RERG: variants seen among roughly 807,000 people sequenced by gnomAD.
RERG encodes RAS like estrogen regulated growth inhibitor.
A neutral mutation model predicts 23.2 loss-of-function variants in RERG; 25 were observed. That is an observed-to-expected ratio of 1.08 (90% CI 0.79 to 1.50). The LOEUF (loss-of-function observed/expected upper bound fraction) is 1.50. Among genes scored for constraint, RERG ranks in the 40% most tolerant of loss-of-function variants. The probability of loss-of-function intolerance (pLI) is 0.00; values close to 1 mark genes in which losing one functional copy is unlikely to be tolerated. For missense variants in RERG, 253 were observed against 250.1 expected, an observed-to-expected ratio of 1.01 and a Z score of -0.08; for synonymous variants, 81 against 89.1, an observed-to-expected ratio of 0.91 and a Z score of 0.51.
intron 2 of RERG, among the ~76,000 whole-genome samples, chr12:15,134,828 T>G (rs1408124747): frequency 1.3e-5 from 2 of 152,002 alleles, no homozygotes; most frequent in Non-Finnish European, 2.9e-5. Flanking sequence ...CCAGGATGGT[T>G]TGAAACTCCT....
chr12:15,110,078 G>T (rs1863577320), intron 4 of RERG, among the ~76,000 whole-genome samples: 1 of 151,984 alleles, frequency 6.6e-6, no homozygotes, highest in South Asian at 2.1e-4. Context: ...AAAGGATTTG[G>T]CTTTTTTTTT....
intron 2 of RERG, among the ~76,000 whole-genome samples, chr12:15,157,890 C>G (rs1864546296): frequency 6.6e-6 from 1 of 151,912 alleles, no homozygotes; most frequent in African/African-American, 2.4e-5. Flanking sequence ...TTACATTTTT[C>G]CCATTTGTTT....
chr12:15,153,114 C>T (rs1208284386), intron 2 of RERG, among the ~76,000 whole-genome samples: 1 of 152,120 alleles, frequency 6.6e-6, no homozygotes, highest in African/African-American at 2.4e-5. Flanking sequence ...CACAATTTCC[C>T]TTAAGTAATG....
chr12:15,189,627 G>C (rs1865041026), intron 2 of RERG, among the ~76,000 whole-genome samples: 1 of 151,988 alleles, frequency 6.6e-6, no homozygotes, highest in Non-Finnish European at 1.5e-5. Context: ...TGTTTTTAAA[G>C]CTCTTTTGTT....
At chr12:15,126,577 G>A (rs531008773) in intron 2 of RERG, among the ~76,000 whole-genome samples, 10 of 152,028 alleles carry the variant, frequency 6.6e-5, no homozygotes, top group East Asian at 1.9e-4. Flanking sequence ...TTAGCATAGC[G>A]CCCTTAAAAG....
intron 3 of RERG, among the ~76,000 whole-genome samples, chr12:15,111,746 C>CA (rs928952193): frequency 2.7e-5 from 4 of 147,604 alleles, no homozygotes; most frequent in African/African-American, 1.0e-4. Flanking sequence ...TGCAGTGGTG[C>CA]AATATCAGCT....
chr12:15,162,752 T>C (rs1477817549), intron 2 of RERG, among the ~76,000 whole-genome samples: 1 of 152,210 alleles, frequency 6.6e-6, no homozygotes, highest in Non-Finnish European at 1.5e-5. Flanking sequence ...TTCTGGGCTC[T>C]TAAAGATGAC....
At chr12:15,133,960 T>C (rs1864099477) in intron 2 of RERG, among the ~76,000 whole-genome samples, 1 of 152,148 alleles carries the variant, frequency 6.6e-6, no homozygotes, top group Non-Finnish European at 1.5e-5. Context: ...TTTTTTTCAT[T>C]GTTGAGTTTT....
intron 2 of RERG, among the ~76,000 whole-genome samples, chr12:15,204,357 T>C (rs1369337879): frequency 6.6e-6 from 1 of 151,766 alleles, no homozygotes; most frequent in Non-Finnish European, 1.5e-5. Context: ...GAAAACTGAA[T>C]ATTCAGTATT....
At chr12:15,149,873 G>A (rs536925908) in intron 2 of RERG, among the ~76,000 whole-genome samples, 6 of 152,256 alleles carry the variant, frequency 3.9e-5, no homozygotes, top group South Asian at 2.1e-4. Flanking sequence ...CACCATCCTC[G>A]TTTCGTGACT....
chr12:15,148,742 C>T (rs1404507221), intron 2 of RERG, among the ~76,000 whole-genome samples: 3 of 150,608 alleles, frequency 2.0e-5, no homozygotes, highest in Admixed American at 2.0e-4. Context: ...TATATTCCAG[C>T]ATCATTATTA....
At chr12:15,217,382 C>A (rs754143717) in intron 2 of RERG, 47 bp downstream of exon 2, 1 of 1,259,754 alleles carries the variant, frequency 7.9e-7, no homozygotes, top group South Asian at 1.2e-5. Context: ...TAAAGAAACA[C>A]ACTCACCCAC....
In RERG at chr12:15,109,416, A is replaced by G; in HGVS notation, c.294T>C (p.Leu98=). The G allele has an allele frequency of 6.2e-7, 1 of 1,614,060 alleles. No individual in the cohort carries two copies. The highest frequency in any genetic ancestry group is 8.5e-7 in the Non-Finnish European group (1 of 1,180,002). Reference sequence around the variant, plus strand: ...TTTTGATCTCATCTAGGATGTTCTTAAGTGGCAGCACTTCCTCAAAACTTC... The same window carrying G: ...TTTTGATCTCATCTAGGATGTTCTTGAGTGGCAGCACTTCCTCAAAACTTC... The part of the protein sequence containing the change: ...DRGSFEEVLP[L]KNILDEIKKP... The change falls in exon 5 of 5, where the codon CTT becomes CTC. Residue 98 remains leucine, a synonymous_variant. Coordinates refer to ENST00000256953, the MANE Select transcript of RERG (RefSeq NM_032918.3).
intron 2 of RERG, among the ~76,000 whole-genome samples, chr12:15,193,361 TTTTA>T (rs1865098615): frequency 6.6e-6 from 1 of 152,180 alleles, no homozygotes; most frequent in African/African-American, 2.4e-5. Context: ...GGGGAACTGT[TTTTA>T]TTTGAGGTTG....
chr12:15,161,709 C>T (rs1328685958), intron 2 of RERG, among the ~76,000 whole-genome samples: 2 of 152,186 alleles, frequency 1.3e-5, no homozygotes, highest in Non-Finnish European at 2.9e-5. Flanking sequence ...TCTCTGCCTT[C>T]ATGCAGCTTA....
At chr12:15,198,374 C>G (rs1865172995) in intron 2 of RERG, among the ~76,000 whole-genome samples, 1 of 152,110 alleles carries the variant, frequency 6.6e-6, no homozygotes, top group African/African-American at 2.4e-5. Context: ...TCAGCTCCAT[C>G]CATTTGGTGT....
intron 2 of RERG, among the ~76,000 whole-genome samples, chr12:15,171,957 G>C (rs1173290915): frequency 6.6e-6 from 1 of 152,014 alleles, no homozygotes; most frequent in Non-Finnish European, 1.5e-5. Context: ...GCTACATACA[G>C]CTTTTTAAAA....
intron 3 of RERG, among the ~76,000 whole-genome samples, chr12:15,116,264 T>C (rs1299771233): frequency 6.6e-6 from 1 of 152,206 alleles, no homozygotes; most frequent in African/African-American, 2.4e-5. Flanking sequence ...TGCTGTTCTT[T>C]AGTGTCCTTT....
chr12:15,155,226 A>C (rs1401360851), intron 2 of RERG: 2 of 152,178 alleles, frequency 1.3e-5, no homozygotes, highest in Admixed American at 6.5e-5. Context: ...TTTTGGAAAA[A>C]CATGCACACA....
Sources: allele counts gnomAD v4.1 joint callset (sites outside exome capture counted in the v4.1 genomes callset), GRCh38; gene constraint gnomAD v4.1.1; transcripts MANE v1.5; gene names NCBI Gene and HGNC (gene_info 2026-07-23, HGNC 2026-07-21).